FMN2: variants seen among roughly 807,000 people sequenced by gnomAD.
FMN2 encodes the protein formin 2.
FMN2 carries 51 observed loss-of-function variants against 142.3 expected under a neutral mutation model. That is an observed-to-expected ratio of 0.36 (90% CI 0.29 to 0.45). FMN2 has a LOEUF of 0.45. FMN2 is among the 20% of genes least tolerant of loss of function. The probability of loss-of-function intolerance (pLI) is 1.00; values close to 1 mark genes in which losing one functional copy is unlikely to be tolerated. For synonymous variants in FMN2, 882 were observed against 869.8 expected, an observed-to-expected ratio of 1.01 and a Z score of -0.25; for missense variants, 1,936 against 2,122.8, an observed-to-expected ratio of 0.91 and a Z score of 1.73.
chr1:240,459,233 A>C (rs1295069093), intron 16 of FMN2: 1 of 152,144 alleles, frequency 6.6e-6, no homozygotes, highest in Non-Finnish European at 1.5e-5. Flanking sequence ...AAAGAAAGCT[A>C]CTCTAAATTT....
At chr1:240,437,365 C>T (rs917725312) in intron 15 of FMN2, among the ~76,000 whole-genome samples, 3 of 147,156 alleles carry the variant, frequency 2.0e-5, no homozygotes, top group African/African-American at 7.7e-5. Flanking sequence ...GCAATCTCGG[C>T]TCACTGCAAG....
chr1:240,154,264 A>C (rs115709170), intron 2 of FMN2, among the ~76,000 whole-genome samples: 1 of 152,114 alleles, frequency 6.6e-6, no homozygotes. Flanking sequence ...AACACAGTCA[A>C]TGCTGACACA....
intron 15 of FMN2, among the ~76,000 whole-genome samples, chr1:240,420,605 C>T (rs1382011673): frequency 2.0e-5 from 3 of 152,158 alleles, no homozygotes; most frequent in Non-Finnish European, 4.4e-5. Flanking sequence ...CACACCAGGA[C>T]ATTTTTACTA....
chr1:240,284,432 A>G lies in FMN2; in HGVS notation c.4154-10390A>G, dbSNP rs1478718116. Among the ~76,000 whole-genome samples the G allele has an allele frequency of 2.6e-5, 4 of 152,092 alleles. No homozygotes were observed. In the East Asian group the frequency reaches 5.8e-4, roughly 22 times the overall value. On this transcript the variant is annotated intron_variant, in intron 7 of 17. Coordinates refer to ENST00000319653, the MANE Select transcript of FMN2 (RefSeq NM_020066.5). ...CTGTGTTTTCATTTTACTTCCTAAT[A>G]AACTCAAAGATATTGGAATTCAGTT... is the stretch of plus-strand genomic sequence containing the variant.
intron 7 of FMN2, among the ~76,000 whole-genome samples, chr1:240,286,379 A>G (rs1056630886): frequency 2.0e-5 from 3 of 152,192 alleles, no homozygotes; most frequent in Non-Finnish European, 4.4e-5. Context: ...GGACTTTTTC[A>G]GAATGAGCAT....
At chr1:240,166,581 A>C (rs1176058320) in intron 2 of FMN2, among the ~76,000 whole-genome samples, 1 of 152,214 alleles carries the variant, frequency 6.6e-6, no homozygotes, top group Non-Finnish European at 1.5e-5. Context: ...TTCACTTGGC[A>C]ACATACCATA....
chr1:240,398,770 T>C (rs1673876219), intron 15 of FMN2, among the ~76,000 whole-genome samples: 1 of 152,136 alleles, frequency 6.6e-6, no homozygotes, highest in South Asian at 2.1e-4. Context: ...GACCAATCCC[T>C]TCACCCCAGG....
chr1:240,399,575 G>A (rs552638570), intron 15 of FMN2, among the ~76,000 whole-genome samples: 2 of 152,280 alleles, frequency 1.3e-5, no homozygotes, highest in East Asian at 1.9e-4. Flanking sequence ...AAGCTCCTAC[G>A]CTGAGGTTAT....
At chr1:240,312,370 C>T (rs1434083203) in intron 8 of FMN2, among the ~76,000 whole-genome samples, 3 of 152,136 alleles carry the variant, frequency 2.0e-5, no homozygotes, top group African/African-American at 7.2e-5. Context: ...TTCTTTGTAT[C>T]AAATCCTTCC....
chr1:240,138,990 C>T (rs992147643), intron 2 of FMN2, among the ~76,000 whole-genome samples: 3 of 152,162 alleles, frequency 2.0e-5, no homozygotes, highest in East Asian at 1.9e-4. Context: ...CAGAATCCCC[C>T]GAAGGGCTTG....
At chr1:240,188,769 C>T (rs943991660) in intron 4 of FMN2, among the ~76,000 whole-genome samples, 32 of 151,966 alleles carry the variant, frequency 2.1e-4, no homozygotes, top group Admixed American at 8.5e-4. Flanking sequence ...AGGGTGTACC[C>T]AAGAATGGGC....
Position 240,330,617 on chromosome 1 carries a change from C to T in FMN2, c.4452C>T (p.Gly1484=). 1.2e-6 allele frequency: 2 copies of T among 1,613,496 alleles called. No homozygotes were observed. The highest frequency in any genetic ancestry group is 1.7e-6 in the Non-Finnish European group (2 of 1,179,752). The change falls in exon 11 of 18, where the codon GGC becomes GGT. Residue 1484 remains glycine, a synonymous_variant. Coordinates refer to ENST00000319653, the MANE Select transcript of FMN2 (RefSeq NM_020066.5). ...LQKLCETLKN[G]PGVMQVLGLV... is the part of the protein sequence containing the mutation. ...CTGTTTTACAGACATTAAAAAATGG[C>T]CCAGGGGTTATGCAGGTTCTAGGTT...
At chr1:240,343,639 A>G (rs770474099) in intron 13 of FMN2, among the ~76,000 whole-genome samples, 3 of 152,258 alleles carry the variant, frequency 2.0e-5, no homozygotes, top group Non-Finnish European at 4.4e-5. Context: ...GAACTGAGCC[A>G]TGAATATAAA....
At chr1:240,195,201 C>A (rs961504980) in intron 4 of FMN2, among the ~76,000 whole-genome samples, 10 of 152,138 alleles carry the variant, frequency 6.6e-5, no homozygotes, top group African/African-American at 2.2e-4. Flanking sequence ...ATCACAAACA[C>A]GCTCCAAGTG....
intron 2 of FMN2, 46 bp from the exon 3 acceptor site, chr1:240,177,875 G>T (rs1165945953): frequency 6.8e-7 from 1 of 1,462,044 alleles, no homozygotes; most frequent in Non-Finnish European, 9.1e-7. Flanking sequence ...TTATTTTTTT[G>T]TAACTGAATT....
At chr1:240,111,314 A>G (rs973465773) in intron 1 of FMN2, among the ~76,000 whole-genome samples, 1 of 152,176 alleles carries the variant, frequency 6.6e-6, no homozygotes, top group East Asian at 1.9e-4. Flanking sequence ...CTTGTACGAG[A>G]AAGAATTCAG....
At chr1:240,293,634 A>G (rs936562889) in intron 7 of FMN2, among the ~76,000 whole-genome samples, 3 of 152,076 alleles carry the variant, frequency 2.0e-5, no homozygotes, top group Non-Finnish European at 4.4e-5. Context: ...TTTTTGCCTT[A>G]TATGGTCTAA....
At chr1:240,398,947 C>T (rs1258153051) in intron 15 of FMN2, among the ~76,000 whole-genome samples, 2 of 151,976 alleles carry the variant, frequency 1.3e-5, no homozygotes, top group East Asian at 1.9e-4. Flanking sequence ...ATTTCAGACT[C>T]GGGCAATGTA....
At chr1:240,330,855 T>C in intron 11 of FMN2, 106 bp downstream of exon 11, 1 of 1,332,512 alleles carries the variant, frequency 7.5e-7, no homozygotes, top group South Asian at 1.7e-5. Context: ...TGTTCCTAGG[T>C]CAAATGCTTC....
Sources: allele counts gnomAD v4.1 joint callset (sites outside exome capture counted in the v4.1 genomes callset), GRCh38; gene constraint gnomAD v4.1.1; transcripts MANE v1.5; gene names NCBI Gene and HGNC (gene_info 2026-07-23, HGNC 2026-07-21).